CEP104: variants seen among roughly 807,000 people sequenced by gnomAD.
CEP104 encodes centrosomal protein of 104 kDa.
In CEP104, 84 loss-of-function variants were observed where a neutral mutation model predicts 113.3. The observed-to-expected ratio is 0.74, with a 90% CI of 0.62 to 0.89. The LOEUF is 0.89. Ranked by LOEUF, CEP104 falls within the 40% of genes least tolerant of loss-of-function variation. The pLI is 0.00. For synonymous variants in CEP104, 378 were observed against 421.7 expected (o/e 0.90, Z 1.27); for missense variants, 1,053 against 1,156.6 (o/e 0.91, Z 1.30).
At position 3,825,748 on chromosome 1, in the gene CEP104, C is replaced by T. The variant is rs372675193; in HGVS notation, c.2364+10G>A. The T allele has an allele frequency of 2.5e-6, 4 of 1,586,620 alleles. No individual in the cohort carries two copies. The highest frequency in any genetic ancestry group is 8.7e-7 in the Non-Finnish European group (1 of 1,155,300). ...ATGCAAGTAGCTGGCTGCTGTGCCG[C>T]TGGCCTGACCTGTTTGCAGTGGTCA... On this transcript the variant is annotated intron_variant, in intron 18 of 21. Coordinates refer to ENST00000378230, the MANE Select transcript of CEP104 (RefSeq NM_014704.4).
chr1:3,854,936 AT>A (rs1205581459), intron 1 of CEP104, among the ~76,000 whole-genome samples: 3 of 140,842 alleles, frequency 2.1e-5, no homozygotes, highest in Non-Finnish European at 4.5e-5. Context: ...CAGTGGCGTG[AT>A]CGCGGCTCAC....
chr1:3,844,369 A>T (rs1347864926), intron 6 of CEP104, among the ~76,000 whole-genome samples: 1 of 152,094 alleles, frequency 6.6e-6, no homozygotes, highest in Admixed American at 6.5e-5. Context: ...TCACTTTGGG[A>T]GGCTGAGGCA....
intron 4 of CEP104, 49 bp downstream of exon 4, chr1:3,847,426 C>A: frequency 6.6e-7 from 1 of 1,508,002 alleles, no homozygotes; most frequent in Non-Finnish European, 8.9e-7. Context: ...CACATAATCC[C>A]ACAAAGAAGG....
chr1:3,843,422 G>C (rs1644450390), intron 6 of CEP104: 6 of 507,264 alleles, frequency 1.2e-5, no homozygotes, highest in South Asian at 5.8e-5. Flanking sequence ...TGTCACCCAG[G>C]CTGGAATACA....
intron 12 of CEP104, among the ~76,000 whole-genome samples, chr1:3,832,987 C>CT (rs70940330): frequency 0.36 from 50,705 of 139,974 alleles, 9,647 homozygotes; most frequent in Admixed American, 0.49. Flanking sequence ...GGCCTGGATT[C>CT]TTTTTTTTTT....
Position 3,827,973 on chromosome 1 carries a change from GCT to G in CEP104, c.2152-1231_2152-1230del, listed in dbSNP as rs1304123912. ...CCGAGCCAATGAGCAAGAGCTGCAG[GCT>G]CTCAGGACAGCTGTGTGGAGGCTGT... On this transcript the variant is annotated intron_variant, in intron 15 of 21. Coordinates refer to ENST00000378230, the MANE Select transcript of CEP104 (RefSeq NM_014704.4). Among the ~76,000 whole-genome samples the G allele has an allele frequency of 5.9e-5, 9 of 152,362 alleles. No individual in the cohort carries two copies. The East Asian group carries it at 1.7e-3, about 29-fold the overall frequency.
chr1:3,839,574 A>G, intron 7 of CEP104, 34 bp downstream of exon 7: 1 of 1,581,418 alleles, frequency 6.3e-7, no homozygotes, highest in Non-Finnish European at 8.6e-7. Flanking sequence ...TATTACAGGC[A>G]TAAATTAGGA....
intron 17 of CEP104, 53 bp from the exon 18 acceptor site, chr1:3,825,919 GCCGTTCCGCT>G: frequency 8.4e-7 from 1 of 1,197,458 alleles, no homozygotes; most frequent in South Asian, 1.2e-5. Flanking sequence ...TCCACTGATG[GCCGTTCCGCT>G]CCCACGTCAC....
chr1:3,824,913 T>G (rs1331557896), intron 18 of CEP104, among the ~76,000 whole-genome samples: 6 of 51,262 alleles, frequency 1.2e-4, no homozygotes, highest in East Asian at 5.7e-4. Context: ...AGTGGCACTG[T>G]GGGAAGGGGG....
rs1053660015 is a variant in CEP104, at chr1:3,815,247, C to G, written c.*155G>C. The G allele has an allele frequency of 1.6e-6, 1 of 618,648 alleles. No individual in the cohort carries two copies. Among genetic ancestry groups the G allele is most frequent in the African/African-American group, 1.8e-5 (1 of 54,408 alleles). The allele number at this position is 618,648 out of a possible 1,614,324, so 38.3% of individuals were successfully genotyped here. ...TGCATCCATATCGTTTGCACGAGAG[C>G]TGACGGCACAGACGCGTAAGAGGCG... On this transcript the variant is annotated 3_prime_UTR_variant, in exon 22 of 22. Coordinates refer to ENST00000378230, the MANE Select transcript of CEP104 (RefSeq NM_014704.4).
chr1:3,839,697 T>C lies in CEP104; in HGVS notation c.646A>G (p.Lys216Glu), dbSNP rs1644378573. 1 of 1,614,140 alleles carries C rather than the reference T, an allele frequency of 6.2e-7. No homozygotes were observed. The highest frequency in any genetic ancestry group is 8.5e-7 in the Non-Finnish European group (1 of 1,179,998). ...QDPEVAQIIR[K>E]LDERKREAVQ... Reference sequence around the variant, plus strand: ...GCTTCCCGTTTTCTTTCATCTAATTTTCGTATGATCTGTGCAACTTCTGGA... The same window carrying C: ...GCTTCCCGTTTTCTTTCATCTAATTCTCGTATGATCTGTGCAACTTCTGGA... Residue 216 changes from lysine (K) to glutamate (E), a missense_variant, in exon 7 of 22, where the codon AAA (lysine) becomes GAA (glutamate). Transcript: ENST00000378230.
At chr1:3,842,848 C>T (rs753377744) in intron 6 of CEP104, among the ~76,000 whole-genome samples, 1 of 152,118 alleles carries the variant, frequency 6.6e-6, no homozygotes, top group Non-Finnish European at 1.5e-5. Context: ...AGTGCAGTGG[C>T]ATGACCTTGG....
intron 2 of CEP104, among the ~76,000 whole-genome samples, chr1:3,849,752 A>G (rs1397757553): frequency 6.6e-6 from 1 of 152,344 alleles, no homozygotes; most frequent in East Asian, 1.9e-4. Context: ...GCTTTTAAAT[A>G]CAGGGCACAT....
intron 2 of CEP104, among the ~76,000 whole-genome samples, chr1:3,850,411 C>T (rs966459344): frequency 1.3e-5 from 2 of 152,142 alleles, no homozygotes; most frequent in African/African-American, 4.8e-5. Flanking sequence ...AATGGATGCC[C>T]AGGGGCTACG....
At chr1:3,825,320 C>T (rs1429207769) in intron 18 of CEP104, among the ~76,000 whole-genome samples, 8 of 152,316 alleles carry the variant, frequency 5.3e-5, no homozygotes, top group African/African-American at 1.4e-4. Flanking sequence ...GACACCAGAA[C>T]GCTGTGGCAA....
At chr1:3,829,413 G>C in intron 14 of CEP104, 40 bp from the exon 15 acceptor site, 1 of 1,492,410 alleles carries the variant, frequency 6.7e-7, no homozygotes, top group Non-Finnish European at 9.2e-7. Context: ...CAGCTTGTTA[G>C]GGTAATCTTA....
At chr1:3,846,189 G>A (rs1277612445) in intron 4 of CEP104, among the ~76,000 whole-genome samples, 1 of 152,030 alleles carries the variant, frequency 6.6e-6, no homozygotes, top group Non-Finnish European at 1.5e-5. Context: ...TCAGTATGGA[G>A]CTCATCTTTG....
chr1:3,849,322 G>A (rs1644568740), intron 2 of CEP104, among the ~76,000 whole-genome samples: 1 of 150,068 alleles, frequency 6.7e-6, no homozygotes, highest in African/African-American at 2.5e-5. Flanking sequence ...GGCTGCAGCG[G>A]TGTGATTATG....
rs191509388 is a variant in CEP104 at position 3,834,071 on chromosome 1, C to T, written c.1486-36G>A. 7,333 of 1,517,946 alleles carry T rather than the reference C, an allele frequency of 4.8e-3. 24 individuals are homozygous for T. The highest frequency in any genetic ancestry group is 6.2e-3 in the Non-Finnish European group (6,810 of 1,097,554). 94.0% of individuals were successfully genotyped at this position (1,517,946 alleles called of 1,614,324 possible). On this transcript the variant is annotated intron_variant, in intron 11 of 21. Coordinates refer to ENST00000378230, the MANE Select transcript of CEP104 (RefSeq NM_014704.4). Reference sequence around the variant, plus strand: ...AGTGATGAACACGGATGAGTTACTACGGTGCAATTCCACCAAGAGGAAACA... The same window carrying T: ...AGTGATGAACACGGATGAGTTACTATGGTGCAATTCCACCAAGAGGAAACA...
Sources: gnomAD v4.1 joint callset for allele counts (sites outside exome capture counted in the v4.1 genomes callset) on GRCh38, gnomAD v4.1.1 for gene constraint, MANE v1.5 for transcripts, NCBI Gene and HGNC (gene_info 2026-07-23, HGNC 2026-07-21) for gene names.